Variants in KDM4B observed in about 807,000 individuals in gnomAD.
KDM4B encodes the protein lysine demethylase 4B.
In KDM4B, 32 loss-of-function variants were observed where a neutral mutation model predicts 125.2. That is an observed-to-expected ratio of 0.26 (90% CI 0.19 to 0.34). The LOEUF is 0.34. Ranked by LOEUF, KDM4B falls within the 10% of genes least tolerant of loss-of-function variation. The pLI, the probability that KDM4B is intolerant of heterozygous loss-of-function variation, is 1.00. For synonymous variants in KDM4B, 721 were observed against 677.9 expected, an observed-to-expected ratio of 1.06 and a Z score of -0.99; for missense variants, 1,190 against 1,577.7, an observed-to-expected ratio of 0.75 and a Z score of 4.16.
At chr19:4,985,523 A>G (rs1217992697) in intron 1 of KDM4B, among the ~76,000 whole-genome samples, 1 of 152,230 alleles carries the variant, frequency 6.6e-6, no homozygotes, top group Non-Finnish European at 1.5e-5. Flanking sequence ...GAGACCTGTG[A>G]TGCTGCTGGG....
intron 2 of KDM4B, among the ~76,000 whole-genome samples, chr19:5,028,854 G>C (rs544029210): frequency 3.9e-5 from 6 of 152,312 alleles, no homozygotes; most frequent in African/African-American, 1.2e-4. Context: ...TCACGTGCTT[G>C]TTGGCCATTT....
chr19:5,049,284 C>G (rs1178838302), intron 6 of KDM4B, among the ~76,000 whole-genome samples: 1 of 152,126 alleles, frequency 6.6e-6, no homozygotes, highest in Non-Finnish European at 1.5e-5. Flanking sequence ...CCGAATGCCC[C>G]TCACTGCACC....
intron 9 of KDM4B, among the ~76,000 whole-genome samples, chr19:5,101,724 G>A (rs533632090): frequency 1.2e-3 from 183 of 151,580 alleles, no homozygotes; most frequent in African/African-American, 4.2e-3. Context: ...ATCCGGGTGG[G>A]CTGTGGATGC....
intron 10 of KDM4B, among the ~76,000 whole-genome samples, chr19:5,118,328 G>A (rs571329279): frequency 2.6e-5 from 4 of 152,344 alleles, no homozygotes; most frequent in South Asian, 4.1e-4. Context: ...AAACACTGGC[G>A]CTCCCAGCTC....
At chr19:4,975,371 C>T (rs534055457) in intron 1 of KDM4B, among the ~76,000 whole-genome samples, 4 of 151,868 alleles carry the variant, frequency 2.6e-5, no homozygotes, top group African/African-American at 7.2e-5. Flanking sequence ...TTTCCTCCAA[C>T]GACTAAAAAA....
chr19:5,137,214 A>G, intron 15 of KDM4B, 48 bp from the exon 16 acceptor site: 2 of 1,425,536 alleles, frequency 1.4e-6, no homozygotes, highest in East Asian at 2.5e-5. Flanking sequence ...TCGGCTCCCC[A>G]AGTCTCACCT....
At chr19:4,986,733 C>T (rs986186658) in intron 1 of KDM4B, among the ~76,000 whole-genome samples, 1 of 152,322 alleles carries the variant, frequency 6.6e-6, no homozygotes, top group African/African-American at 2.4e-5. Context: ...CTCACACCTG[C>T]CCACCTTTGC....
chr19:5,061,988 G>C (rs1216679387), intron 6 of KDM4B, among the ~76,000 whole-genome samples: 2 of 152,226 alleles, frequency 1.3e-5, no homozygotes, highest in East Asian at 1.9e-4. Flanking sequence ...GGTGGCATCT[G>C]GGGGAGCAGG....
At chr19:5,036,354 T>G (rs1371755138) in intron 3 of KDM4B, among the ~76,000 whole-genome samples, 1 of 152,232 alleles carries the variant, frequency 6.6e-6, no homozygotes, top group Non-Finnish European at 1.5e-5. Context: ...GGCACAGCCC[T>G]GAGAGGGCCC....
At chr19:5,062,424 G>A (rs916329249) in intron 6 of KDM4B, among the ~76,000 whole-genome samples, 1 of 152,182 alleles carries the variant, frequency 6.6e-6, no homozygotes, top group African/African-American at 2.4e-5. Context: ...CCTTCCTCCC[G>A]TCCGTCCCCA....
chr19:5,121,998 C>A, intron 11 of KDM4B, among the ~76,000 whole-genome samples: 1 of 152,230 alleles, frequency 6.6e-6, no homozygotes, highest in Middle Eastern at 3.4e-3. Context: ...GTCCACGCTG[C>A]GGCCTCTGTG....
Position 5,141,920 on chromosome 19 carries a change from T to C in KDM4B, c.2551-2047T>C, listed in dbSNP as rs897702514. Among the ~76,000 whole-genome samples, 1 of 151,972 alleles carries C rather than the reference T, an allele frequency of 6.6e-6. No homozygotes were observed. Among genetic ancestry groups the C allele is most frequent in the African/African-American group, 2.4e-5 (1 of 41,386 alleles). On this transcript the variant is annotated intron_variant, in intron 18 of 22. Coordinates refer to ENST00000159111, the MANE Select transcript of KDM4B (RefSeq NM_015015.3). The surrounding 1 kb of genome is among the most constrained non-coding windows in gnomAD (Gnocchi z 6.4). ...GGGCAGTTGCACCAGCTCTCTCCACTGCCCACAGTCCTGCCTGGAGGGGTA... is the reference window on the plus strand; with the variant it reads ...GGGCAGTTGCACCAGCTCTCTCCACCGCCCACAGTCCTGCCTGGAGGGGTA...
chr19:5,108,666 C>T (rs756785196), intron 9 of KDM4B, among the ~76,000 whole-genome samples: 2 of 152,206 alleles, frequency 1.3e-5, no homozygotes, highest in Non-Finnish European at 2.9e-5. Flanking sequence ...TTTCCTTCAT[C>T]CCATTGAGCA....
chr19:5,104,336 A>G (rs1320675710), intron 9 of KDM4B, among the ~76,000 whole-genome samples: 1 of 152,250 alleles, frequency 6.6e-6, no homozygotes, highest in East Asian at 1.9e-4. Context: ...GTTGCACGGT[A>G]AAACTACATT....
intron 14 of KDM4B, 86 bp downstream of exon 14, chr19:5,134,147 C>T (rs1485716424): frequency 4.6e-6 from 6 of 1,297,906 alleles, no homozygotes; most frequent in South Asian, 4.2e-5. Flanking sequence ...CACACGCCTC[C>T]CTCTCTCACG....
chr19:5,133,320 G>A (rs1437410480), intron 13 of KDM4B, among the ~76,000 whole-genome samples: 1 of 152,190 alleles, frequency 6.6e-6, no homozygotes, highest in Non-Finnish European at 1.5e-5. Context: ...GGCTGCCTTG[G>A]CTTCCTAGCC....
intron 1 of KDM4B, among the ~76,000 whole-genome samples, chr19:4,977,274 A>G (rs1279423899): frequency 6.6e-6 from 1 of 152,196 alleles, no homozygotes; most frequent in African/African-American, 2.4e-5. Flanking sequence ...TTCAATGGAC[A>G]AAGGCTGAGA....
At chr19:5,109,100 A>G (rs1275053229) in intron 9 of KDM4B, among the ~76,000 whole-genome samples, 1 of 152,200 alleles carries the variant, frequency 6.6e-6, no homozygotes, top group Non-Finnish European at 1.5e-5. Context: ...TGTGCCCATC[A>G]TCCGTGATGC....
intron 14 of KDM4B, among the ~76,000 whole-genome samples, chr19:5,135,042 GCCAGGGGCCACCCAGCA>G (rs2039623131): frequency 6.6e-6 from 1 of 152,130 alleles, no homozygotes; most frequent in Non-Finnish European, 1.5e-5. Flanking sequence ...ATACCCCAGC[GCCAGGGGCCACCCAGCA>G]CCAGGGGCCA....
Sources: allele counts gnomAD v4.1 joint callset (sites outside exome capture counted in the v4.1 genomes callset), GRCh38; gene constraint gnomAD v4.1.1; non-coding constraint Gnocchi (gnomAD v3.1); transcripts MANE v1.5; gene names NCBI Gene and HGNC (gene_info 2026-07-23, HGNC 2026-07-21).